Variants in ZNF420 observed in about 807,000 individuals in gnomAD.
ZNF420 encodes zinc finger protein 420, also known as ATM and p53-associated KZNF protein.
Under a neutral mutation model 44.7 loss-of-function variants are expected in ZNF420, and 31 were observed. The observed-to-expected ratio is 0.69, with a 90% CI of 0.52 to 0.94. ZNF420 has a LOEUF of 0.94. Among genes scored for constraint, ZNF420 ranks in the 40% least tolerant of loss-of-function variants. ZNF420 has a pLI of 0.00. For synonymous variants in ZNF420, 245 were observed against 267.4 expected (o/e 0.92, Z 0.82); for missense variants, 681 against 827.9 (o/e 0.82, Z 2.18).
In ZNF420 at chr19:37,128,968, T is replaced by A; in HGVS notation, c.1977T>A (p.Thr659=). Residue 659 remains threonine (T), a synonymous_variant, in exon 5 of 5, where the codon ACT becomes ACA. Coordinates refer to ENST00000337995, the MANE Select transcript of ZNF420 (RefSeq NM_144689.5). ...CCTTTACTCGTGGTTCACAGCTAAC[T>A]CAACATCAGAGAATTCATATCAGTG... The part of the protein sequence containing the change: ...GKAFTRGSQL[T]QHQRIHISEK... The A allele has an allele frequency of 6.2e-7, 1 of 1,614,128 alleles. No homozygotes were observed. Among genetic ancestry groups the A allele is most frequent in the Non-Finnish European group, 8.5e-7 (1 of 1,179,986 alleles).
intron 1 of ZNF420, among the ~76,000 whole-genome samples, chr19:37,033,903 C>T (rs1232137947): frequency 4.6e-5 from 7 of 152,082 alleles, no homozygotes; most frequent in Non-Finnish European, 1.0e-4. Context: ...ATTACAGGCA[C>T]ACAGCACCAC....
chr19:37,058,174 C>G (rs969186974), intron 1 of ZNF420, among the ~76,000 whole-genome samples: 1 of 151,942 alleles, frequency 6.6e-6, no homozygotes. Context: ...CGTGGAGATC[C>G]GTGTCATAAT....
At chr19:37,053,106 T>C (rs913770884) in intron 1 of ZNF420, among the ~76,000 whole-genome samples, 1 of 152,234 alleles carries the variant, frequency 6.6e-6, no homozygotes, top group African/African-American at 2.4e-5. Flanking sequence ...CTTGATTTCA[T>C]TCATTTGATC....
chr19:37,024,501 G>A (rs934034921), intron 1 of ZNF420, among the ~76,000 whole-genome samples: 41 of 152,082 alleles, frequency 2.7e-4, no homozygotes, highest in African/African-American at 9.9e-4. Context: ...CCAGGCTGGG[G>A]TGCAGTGGTG....
At position 37,127,176 on chromosome 19, in the gene ZNF420, C is replaced by A; in HGVS notation, c.185C>A (p.Thr62Asn). ...ASKDLSPEKNTYETELSQWEM... is the reference protein window; with the variant it reads ...ASKDLSPEKNNYETELSQWEM... ...AAGGACTTATCTCCAGAAAAGAACA[C>A]TTATGAAACAGAATTATCCCAATGG... Residue 62 changes from threonine to asparagine, a missense_variant, in exon 5 of 5, where the codon ACT (threonine) becomes AAT (asparagine). Thr to Asn is a moderately conservative substitution (Grantham distance 65, BLOSUM62 0). This residue lies in a region of ZNF420 where 350 missense variants were observed against 382.5 expected (regional missense o/e 0.92). Transcript: ENST00000337995. 1.3e-6 allele frequency: 2 copies of A among 1,572,028 alleles called. No homozygotes were observed. The highest frequency in any genetic ancestry group is 1.7e-6 in the Non-Finnish European group (2 of 1,159,060).
At chr19:37,114,355 G>C (rs567233588) in intron 4 of ZNF420, among the ~76,000 whole-genome samples, 1 of 152,134 alleles carries the variant, frequency 6.6e-6, no homozygotes, top group Non-Finnish European at 1.5e-5. Flanking sequence ...GGTTACTGGC[G>C]GTTGGGTCTT....
At chr19:37,115,581 A>G (rs941261369) in intron 4 of ZNF420, among the ~76,000 whole-genome samples, 1 of 152,178 alleles carries the variant, frequency 6.6e-6, no homozygotes, top group South Asian at 2.1e-4. Context: ...TCTCACCTCC[A>G]GCCCTAAGGC....
At chr19:37,008,074 G>C in exon 1 of ZNF420, 1 of 261,762 alleles carries the variant, frequency 3.8e-6, no homozygotes, top group South Asian at 4.3e-5. Flanking sequence ...CTGCCCGGAC[G>C]GTGTGCGGGT....
intron 1 of ZNF420, among the ~76,000 whole-genome samples, chr19:37,032,290 C>T (rs1967273815): frequency 6.6e-6 from 1 of 151,258 alleles, no homozygotes; most frequent in African/African-American, 2.4e-5. Flanking sequence ...CGAGATTGCG[C>T]CACTGCACTC....
At chr19:37,085,754 C>T (rs549981328) in intron 2 of ZNF420, among the ~76,000 whole-genome samples, 1 of 151,350 alleles carries the variant, frequency 6.6e-6, no homozygotes, top group African/African-American at 2.4e-5. Context: ...TCTTTCTTCT[C>T]TTTTCTTTTT....
At chr19:37,067,832 T>C (rs774937835) in intron 1 of ZNF420, among the ~76,000 whole-genome samples, 1 of 152,106 alleles carries the variant, frequency 6.6e-6, no homozygotes, top group Non-Finnish European at 1.5e-5. Flanking sequence ...GTGTACATTA[T>C]TTTGGTGCTT....
chr19:37,050,718 C>T (rs1178790198), intron 1 of ZNF420, among the ~76,000 whole-genome samples: 2 of 152,170 alleles, frequency 1.3e-5, no homozygotes, highest in Non-Finnish European at 2.9e-5. Flanking sequence ...CCTACTCCTA[C>T]CTGATTGCCC....
intron 1 of ZNF420, among the ~76,000 whole-genome samples, chr19:37,066,466 T>C (rs1967969014): frequency 6.6e-6 from 1 of 150,646 alleles, no homozygotes; most frequent in South Asian, 2.1e-4. Context: ...AACTCAACAA[T>C]AAAAAGATGA....
rs573343098 is a variant in ZNF420, at chr19:37,105,270, T to G, written c.136+14149T>G. Among the ~76,000 whole-genome samples the G allele has an allele frequency of 4.5e-4, 69 of 152,262 alleles. 1 individual carries two copies. In the South Asian group the frequency reaches 0.011, roughly 23 times the overall value. ...TTAAATAGGGAATCCTTTCCCCATTTCTTGTTTTTGTCAGGTTTGTCAAAG... is the reference window on the plus strand; with the variant it reads ...TTAAATAGGGAATCCTTTCCCCATTGCTTGTTTTTGTCAGGTTTGTCAAAG... On this transcript the variant is annotated intron_variant, in intron 4 of 4. Transcript: ENST00000337995.
chr19:37,107,549 AT>A (rs1899952042), intron 4 of ZNF420: 1 of 152,006 alleles, frequency 6.6e-6, no homozygotes, highest in South Asian at 2.1e-4. Flanking sequence ...GGAGTCTCTT[AT>A]GTCTACTTAT....
rs184043211 is a variant in ZNF420, at chr19:37,041,046, G to A, written c.-125+32964G>A. ...TGCACATTAAAAAAAAATCCCAGCC[G>A]GGCATGGTGGCTCACACCTGTAATC... On this transcript the variant is annotated intron_variant, in intron 1 of 4. Coordinates refer to the ZNF420 transcript ENST00000587029. Among the ~76,000 whole-genome samples, 938 of 151,840 alleles carry A rather than the reference G, an allele frequency of 6.2e-3. 16 individuals carry two copies. Among genetic ancestry groups the A allele is most frequent in the Non-Finnish European group, 4.9e-3 (334 of 67,960 alleles).
chr19:37,009,495 A>AC (rs1265710220), intron 1 of ZNF420, among the ~76,000 whole-genome samples: 9 of 151,592 alleles, frequency 5.9e-5, no homozygotes, highest in Admixed American at 6.6e-5. Context: ...ACACACACTC[A>AC]CCCCATCTGC....
At chr19:37,058,218 C>G (rs1324815297) in intron 1 of ZNF420, among the ~76,000 whole-genome samples, 1 of 152,144 alleles carries the variant, frequency 6.6e-6, no homozygotes, top group Non-Finnish European at 1.5e-5. Flanking sequence ...CTGGTTGATT[C>G]GGCCGGTTTG....
intron 4 of ZNF420, among the ~76,000 whole-genome samples, chr19:37,099,881 C>G (rs1969672121): frequency 1.3e-5 from 2 of 152,094 alleles, no homozygotes; most frequent in South Asian, 2.1e-4. Flanking sequence ...CCTGGGCCCC[C>G]CAAAGAGCTG....
Sources: gnomAD v4.1 joint callset for allele counts (sites outside exome capture counted in the v4.1 genomes callset) on GRCh38, gnomAD v4.1.1 for gene constraint, gnomAD v4.1.1 regional missense constraint, MANE v1.5 for transcripts, NCBI Gene and HGNC (gene_info 2026-07-23, HGNC 2026-07-21) for gene names.